Variants in NUBPL observed in about 807,000 individuals in gnomAD.
The protein encoded by NUBPL is NUBP iron-sulfur cluster assembly factor, mitochondrial.
Under a neutral mutation model 45.7 loss-of-function variants are expected in NUBPL, and 31 were observed. The observed-to-expected ratio is 0.68, with a 90% confidence interval of 0.51 to 0.92. The LOEUF (loss-of-function observed/expected upper bound fraction) is 0.92, where lower values mean the gene tolerates loss of function less well. Among genes scored for constraint, NUBPL ranks in the 40% least tolerant of loss-of-function variants. NUBPL has a pLI of 0.00. For missense variants in NUBPL, 401 were observed against 398.7 expected, an observed-to-expected ratio of 1.01 and a Z score of -0.05; for synonymous variants, 144 against 140.9, an observed-to-expected ratio of 1.02 and a Z score of -0.15.
chr14:31,727,666 A>G (rs974350189), intron 6 of NUBPL, among the ~76,000 whole-genome samples: 2 of 152,192 alleles, frequency 1.3e-5, no homozygotes, highest in Non-Finnish European at 2.9e-5. Flanking sequence ...GAAATAAATT[A>G]TTTTTGGGCC....
intron 6 of NUBPL, among the ~76,000 whole-genome samples, chr14:31,780,238 AT>A (rs34217015): frequency 6.8e-4 from 100 of 146,498 alleles, no homozygotes; most frequent in African/African-American, 1.5e-3. Flanking sequence ...AATTTTTTGT[AT>A]TTTTTTTTTT....
intron 4 of NUBPL, among the ~76,000 whole-genome samples, chr14:31,656,640 A>G (rs2036147339): frequency 6.6e-6 from 1 of 152,164 alleles, no homozygotes; most frequent in African/African-American, 2.4e-5. Flanking sequence ...CACACACAAC[A>G]TATATTGAAT....
chr14:31,680,326 A>G (rs764630953), intron 6 of NUBPL, among the ~76,000 whole-genome samples: 5 of 152,160 alleles, frequency 3.3e-5, no homozygotes, highest in African/African-American at 4.8e-5. Context: ...GGGGAAGAAC[A>G]TTAAGTATTT....
intron 7 of NUBPL, among the ~76,000 whole-genome samples, chr14:31,820,513 C>A (rs541245146): frequency 6.6e-6 from 1 of 152,252 alleles, no homozygotes; most frequent in Admixed American, 6.5e-5. Context: ...AATAAATTGA[C>A]ATAATTCCTT....
At chr14:31,736,433 T>C (rs1003149866) in intron 6 of NUBPL, among the ~76,000 whole-genome samples, 1 of 152,210 alleles carries the variant, frequency 6.6e-6, no homozygotes, top group Admixed American at 6.5e-5. Context: ...TCTTTAAATA[T>C]TTATTAGTTT....
rs1391996954 is a variant in NUBPL at position 31,630,354 on chromosome 14, C to A, written c.382+30975C>A. ...GGTTTTGGGAAGATAGTCAATAGAT[C>A]CCCCCACATATTTGTTTATTCTTTA... On this transcript the variant is annotated intron_variant, in intron 4 of 10. Coordinates refer to ENST00000281081, the MANE Select transcript of NUBPL (RefSeq NM_025152.3). 3.3e-5 allele frequency among the ~76,000 whole-genome samples: 5 copies of A among 152,100 alleles called. No homozygotes were observed. In the South Asian group the frequency reaches 1.0e-3, roughly 32 times the overall value.
intron 3 of NUBPL, among the ~76,000 whole-genome samples, chr14:31,592,354 C>T (rs1319886387): frequency 6.6e-6 from 1 of 152,006 alleles, no homozygotes; most frequent in African/African-American, 2.4e-5. Flanking sequence ...GTTGTAAGGA[C>T]TTTGGCTTTT....
intron 9 of NUBPL, 82 bp from the exon 10 acceptor site, chr14:31,850,037 C>T (rs2040513283): frequency 1.9e-6 from 2 of 1,036,794 alleles, no homozygotes; most frequent in African/African-American, 1.6e-5. Context: ...GATTTTGTTT[C>T]TTTCCATAGT....
At chr14:31,764,571 C>A (rs1207627075) in intron 6 of NUBPL, among the ~76,000 whole-genome samples, 1 of 152,106 alleles carries the variant, frequency 6.6e-6, no homozygotes, top group Non-Finnish European at 1.5e-5. Context: ...ATGAAGACAG[C>A]AGATACCTAT....
At chr14:31,659,888 A>C (rs1002823103) in intron 4 of NUBPL, among the ~76,000 whole-genome samples, 3 of 152,170 alleles carry the variant, frequency 2.0e-5, no homozygotes, top group African/African-American at 7.2e-5. Context: ...ATTTTTTTAA[A>C]ACTGAAAAAT....
At chr14:31,825,635 CCCCT>C (rs2040085633) in intron 7 of NUBPL, among the ~76,000 whole-genome samples, 1 of 94,558 alleles carries the variant, frequency 1.1e-5, no homozygotes, top group African/African-American at 6.3e-5. Flanking sequence ...TCCTCCTCCT[CCCCT>C]CTTTCTCCTT....
At chr14:31,788,538 A>G (rs960129836) in intron 7 of NUBPL, among the ~76,000 whole-genome samples, 2 of 152,136 alleles carry the variant, frequency 1.3e-5, no homozygotes, top group Non-Finnish European at 2.9e-5. Flanking sequence ...ACTTAATGGC[A>G]TTGTTGCTCC....
rs532453006 is a variant in NUBPL at position 31,721,436 on chromosome 14, T to A, written c.513+47862T>A. On this transcript the variant is annotated intron_variant, in intron 6 of 10. Transcript: ENST00000281081. ...GAACAAACGTTGAGCTGGCTTAGTA[T>A]ATGGCTGAAATTTTCACTGCTTTTA... 6.9e-4 allele frequency among the ~76,000 whole-genome samples: 105 copies of A among 152,314 alleles called. 1 individual carries two copies. The highest frequency in any genetic ancestry group is 1.1e-3 in the Non-Finnish European group (76 of 68,026).
intron 6 of NUBPL, among the ~76,000 whole-genome samples, chr14:31,734,149 A>G (rs1345752455): frequency 2.0e-5 from 3 of 152,102 alleles, no homozygotes; most frequent in African/African-American, 4.8e-5. Context: ...TCATTTTTCT[A>G]TTATTTTAAG....
At chr14:31,665,055 G>T (rs1011259368) in intron 4 of NUBPL, among the ~76,000 whole-genome samples, 1 of 152,102 alleles carries the variant, frequency 6.6e-6, no homozygotes, top group Non-Finnish European at 1.5e-5. Context: ...TATTTCTGTG[G>T]GTTCAGTGGT....
At position 31,751,746 on chromosome 14, in the gene NUBPL, C is replaced by T. The variant is rs535291318; in HGVS notation, c.514-36034C>T. On this transcript the variant is annotated intron_variant, in intron 6 of 10. Coordinates refer to ENST00000281081, the MANE Select transcript of NUBPL (RefSeq NM_025152.3). ...CCAGCTCCACTAGGCAGTGTCCCAG[C>T]GGGGACTCTGTGTGGGGGTTTCAAA... Among the ~76,000 whole-genome samples, 16 of 152,312 alleles carry T rather than the reference C, an allele frequency of 1.1e-4. No individual in the cohort carries two copies. The South Asian group carries it at 1.5e-3, about 14-fold the overall frequency.
chr14:31,738,676 T>A lies in NUBPL; in HGVS notation c.514-49104T>A, dbSNP rs539006182. On this transcript the variant is annotated intron_variant, in intron 6 of 10. Coordinates refer to ENST00000281081, the MANE Select transcript of NUBPL (RefSeq NM_025152.3). ...GACATCTCTGGTAGCAACTACTGTG[T>A]TTTTTAACTGATTAGGAATGATAAT... 1.2e-4 allele frequency among the ~76,000 whole-genome samples: 19 copies of A among 152,298 alleles called. No homozygotes were observed. The East Asian group carries it at 3.7e-3, about 29-fold the overall frequency.
chr14:31,716,761 A>C (rs1213223240), intron 6 of NUBPL, among the ~76,000 whole-genome samples: 1 of 152,178 alleles, frequency 6.6e-6, no homozygotes, highest in Non-Finnish European at 1.5e-5. Context: ...ATTAGAATTC[A>C]TCACTCATCT....
intron 6 of NUBPL, among the ~76,000 whole-genome samples, chr14:31,758,743 CA>C (rs1222625634): frequency 6.6e-6 from 1 of 152,032 alleles, no homozygotes; most frequent in African/African-American, 2.4e-5. Context: ...TAAAAAAATA[CA>C]TGAAATACTA....
Sources: gnomAD v4.1 joint callset for allele counts (sites outside exome capture counted in the v4.1 genomes callset) on GRCh38, gnomAD v4.1.1 for gene constraint, MANE v1.5 for transcripts, NCBI Gene and HGNC (gene_info 2026-07-23, HGNC 2026-07-21) for gene names.